The following NECTIN2 variants were observed in gnomAD, a reference collection of about 807,000 sequenced individuals.
The protein encoded by NECTIN2 is nectin cell adhesion molecule 2, also known as nectin-2.
A neutral mutation model predicts 56.9 loss-of-function variants in NECTIN2; 23 were observed. The observed-to-expected ratio is 0.40, with a 90% CI of 0.29 to 0.57. The LOEUF (loss-of-function observed/expected upper bound fraction) is 0.57, where lower values mean the gene tolerates loss of function less well. Ranked by LOEUF, NECTIN2 falls within the 20% of genes least tolerant of loss-of-function variation. The pLI, the probability that NECTIN2 is intolerant of heterozygous loss-of-function variation, is 0.38. For missense variants in NECTIN2, 587 were observed against 718.3 expected, an observed-to-expected ratio of 0.82 and a Z score of 2.09; for synonymous variants, 302 against 313.8, an observed-to-expected ratio of 0.96 and a Z score of 0.40.
intron 6 of NECTIN2, among the ~76,000 whole-genome samples, chr19:44,884,937 G>A (rs951595843): frequency 2.6e-5 from 4 of 152,060 alleles, no homozygotes; most frequent in African/African-American, 4.8e-5. Flanking sequence ...TCCTCATAGT[G>A]GATTCTGGAG....
At chr19:44,886,308 G>A in intron 8 of NECTIN2, 89 bp downstream of exon 8, 1 of 1,075,440 alleles carries the variant, frequency 9.3e-7, no homozygotes, top group Non-Finnish European at 1.4e-6. Flanking sequence ...AAAGACTAAA[G>A]GTCATAACTC....
At position 44,888,123 on chromosome 19, in the gene NECTIN2, A is replaced by G. The variant is rs1276887019; in HGVS notation, c.1361A>G (p.Tyr454Cys). 2.5e-6 allele frequency: 4 copies of G among 1,612,344 alleles called. No individual in the cohort carries two copies. The highest frequency in any genetic ancestry group is 3.4e-6 in the Non-Finnish European group (4 of 1,178,616). The part of the protein sequence containing the change: ...ASCTEQEMPR[Y>C]HELPTLEERS... ...CTCTACCTCCAGGAAATGCCTCGAT[A>G]CCATGAGCTGCCCACCTTGGAAGAA... The change falls in exon 9 of 9, where the codon TAC (tyrosine) becomes TGC (cysteine). Residue 454 changes from tyrosine to cysteine, a missense_variant. Physicochemically the swap from Tyr to Cys is radical, Grantham distance 194. Transcript: ENST00000252483.
At chr19:44,863,424 T>C (rs1969056983) in intron 1 of NECTIN2, among the ~76,000 whole-genome samples, 1 of 152,072 alleles carries the variant, frequency 6.6e-6, no homozygotes. Flanking sequence ...TGAGACCCTG[T>C]CTCAAAAAAG....
intron 1 of NECTIN2, among the ~76,000 whole-genome samples, chr19:44,861,321 T>G (rs1969029394): frequency 6.6e-6 from 1 of 152,212 alleles, no homozygotes; most frequent in Non-Finnish European, 1.5e-5. Flanking sequence ...AAGACATCAT[T>G]ATATCAAAAA....
intron 6 of NECTIN2, 114 bp downstream of exon 6, chr19:44,882,478 C>G: frequency 2.0e-6 from 2 of 1,004,126 alleles, no homozygotes; most frequent in South Asian, 3.8e-5. Flanking sequence ...AACAGACAGA[C>G]CTAAAGGAAC....
chr19:44,868,466 CTT>C (rs71338735), intron 2 of NECTIN2, among the ~76,000 whole-genome samples: 2 of 133,506 alleles, frequency 1.5e-5, no homozygotes, highest in African/African-American at 2.8e-5. Flanking sequence ...TTTCCTTTTT[CTT>C]TTTTTTTTTT....
intron 6 of NECTIN2, among the ~76,000 whole-genome samples, chr19:44,882,804 C>G (rs1328152793): frequency 7.9e-6 from 1 of 126,434 alleles, no homozygotes; most frequent in Non-Finnish European, 1.6e-5. Context: ...TTTTTTGTGA[C>G]GGAGTCTCAC....
chr19:44,871,835 C>G lies in NECTIN2; in HGVS notation c.479-18C>G, dbSNP rs546810745. The G allele has an allele frequency of 1.9e-6, 3 of 1,607,404 alleles. No individual in the cohort carries two copies. Among genetic ancestry groups the G allele is most frequent in the Non-Finnish European group, 1.7e-6 (2 of 1,174,786 alleles). On this transcript the variant is annotated intron_variant, in intron 2 of 8. Coordinates refer to ENST00000252483, the MANE Select transcript of NECTIN2 (RefSeq NM_001042724.2). Reference sequence around the variant, plus strand: ...CTGCCGGTGAGGAGTGACGCACCCCCTCTCCTCCTCTCCCCAGCCAAGCCC... The same window carrying G: ...CTGCCGGTGAGGAGTGACGCACCCCGTCTCCTCCTCTCCCCAGCCAAGCCC...
At position 44,888,373 on chromosome 19, in the gene NECTIN2, T is replaced by C. The variant is rs1034275023; in HGVS notation, c.1611T>C (p.Tyr537=). ...GKGFVMSRAM[Y]V ...GCTTTGTCATGTCCCGGGCCATGTA[T>C]GTGTGAGCTGCCATGCGCCTGGCGT... is the stretch of plus-strand genomic sequence containing the variant. Residue 537 remains tyrosine (Y), a synonymous_variant, in exon 9 of 9, where the codon TAT becomes TAC. Transcript: ENST00000252483. The C allele has an allele frequency of 1.9e-6, 3 of 1,609,472 alleles. No homozygotes were observed. The highest frequency in any genetic ancestry group is 8.5e-7 in the Non-Finnish European group (1 of 1,176,226).
At chr19:44,866,101 G>T (rs1021546351) in intron 2 of NECTIN2, among the ~76,000 whole-genome samples, 4 of 152,012 alleles carry the variant, frequency 2.6e-5, no homozygotes, top group Non-Finnish European at 5.9e-5. Context: ...GAACCCAGGA[G>T]GCAGAGGTTG....
At chr19:44,871,140 G>A (rs1969169942) in intron 2 of NECTIN2, among the ~76,000 whole-genome samples, 1 of 152,056 alleles carries the variant, frequency 6.6e-6, no homozygotes, top group Non-Finnish European at 1.5e-5. Flanking sequence ...TGCTGGTATT[G>A]CAGGTGTGAA....
chr19:44,846,318 C>G lies in NECTIN2; in HGVS notation c.-208C>G. The G allele has an allele frequency of 3.8e-6, 2 of 531,158 alleles. No homozygotes were observed. Among genetic ancestry groups the G allele is most frequent in the South Asian group, 6.9e-5 (2 of 28,948 alleles). The allele number at this position is 531,158 out of a possible 1,614,324, so 32.9% of individuals were successfully genotyped here. On this transcript the variant is annotated 5_prime_UTR_variant, in exon 1 of 9. Coordinates refer to ENST00000252483, the MANE Select transcript of NECTIN2 (RefSeq NM_001042724.2). ...TCCTGTGACGTCAGCGGGTTCGAAC[C>G]GCCGGAGCTGAGCGAGAGGCCGGGG...
chr19:44,852,719 G>C (rs746667013), intron 1 of NECTIN2, among the ~76,000 whole-genome samples: 1 of 151,936 alleles, frequency 6.6e-6, no homozygotes, highest in Non-Finnish European at 1.5e-5. Context: ...CGTCAGAGGT[G>C]GTCTAACTAG....
chr19:44,864,697 A>G (rs976851412), intron 1 of NECTIN2, among the ~76,000 whole-genome samples: 7 of 152,114 alleles, frequency 4.6e-5, no homozygotes, highest in East Asian at 1.9e-4. Flanking sequence ...GCATGGTGGC[A>G]GGCGCCTGTA....
chr19:44,884,164 CAA>C (rs1003366237), intron 6 of NECTIN2, among the ~76,000 whole-genome samples: 2 of 151,924 alleles, frequency 1.3e-5, no homozygotes, highest in African/African-American at 4.8e-5. Context: ...GCGAGCTATG[CAA>C]AATTTGTTTT....
chr19:44,881,369 C>T (rs1969305696), intron 5 of NECTIN2, among the ~76,000 whole-genome samples: 1 of 152,160 alleles, frequency 6.6e-6, no homozygotes, highest in African/African-American at 2.4e-5. Context: ...CCCAGCTACA[C>T]AGTCTACTTG....
At position 44,884,517 on chromosome 19, in the gene NECTIN2, C is replaced by T. The variant is rs1182834777; in HGVS notation, c.1197-1420C>T. ...TGATGCACAGGAAGGTCTGTTACAC[C>T]ACTGTCTTAATCATCTAGTTAGTTC... is the stretch of plus-strand genomic sequence containing the variant. On this transcript the variant is annotated intron_variant, in intron 6 of 8. Coordinates refer to ENST00000252483, the MANE Select transcript of NECTIN2 (RefSeq NM_001042724.2). Among the ~76,000 whole-genome samples, 2 of 152,214 alleles carry T rather than the reference C, an allele frequency of 1.3e-5. 1 individual carries two copies. Among genetic ancestry groups the T allele is most frequent in the Admixed American group, 1.3e-4 (2 of 15,280 alleles).
rs1456766198 is a variant in NECTIN2, at chr19:44,875,711, A to G, written c.1042+1233A>G. Among the ~76,000 whole-genome samples, 6 of 152,230 alleles carry G rather than the reference A, an allele frequency of 3.9e-5. No homozygotes were observed. Among genetic ancestry groups the G allele is most frequent in the African/African-American group, 7.2e-5 (3 of 41,466 alleles). ...GGGGCTGTCCCTGTCATGCAGACAGACTAGCCACGGAGGGACAGAAGCAGA... is the reference window on the plus strand; with the variant it reads ...GGGGCTGTCCCTGTCATGCAGACAGGCTAGCCACGGAGGGACAGAAGCAGA... On this transcript the variant is annotated intron_variant, in intron 5 of 8. Transcript: ENST00000252483. The surrounding 1 kb of genome is among the most constrained non-coding windows in gnomAD (Gnocchi z 4.2).
Position 44,874,496 on chromosome 19 carries a change from G to C in NECTIN2, c.1042+18G>C, listed in dbSNP as rs1355252903. ...TGTCCGAGGTGAGTGGGTCTTGGGG[G>C]CCGTGTGTGGAGACCTGGGTCCGCT... On this transcript the variant is annotated intron_variant, in intron 5 of 8. Transcript: ENST00000252483. The surrounding 1 kb of genome is among the most constrained non-coding windows in gnomAD (Gnocchi z 6.3). 6.2e-7 allele frequency: 1 copy of C among 1,611,408 alleles called. No individual in the cohort carries two copies. Among genetic ancestry groups the C allele is most frequent in the East Asian group, 2.2e-5 (1 of 44,870 alleles).
Sources: gnomAD v4.1 joint callset for allele counts (sites outside exome capture counted in the v4.1 genomes callset) on GRCh38, gnomAD v4.1.1 for gene constraint, Gnocchi (gnomAD v3.1) non-coding constraint, MANE v1.5 for transcripts, NCBI Gene and HGNC (gene_info 2026-07-23, HGNC 2026-07-21) for gene names.